The following PHACTR1 variants were observed in gnomAD, a reference collection of about 807,000 sequenced individuals.
PHACTR1 encodes the protein RPEL repeat containing 1.
In PHACTR1, 16 loss-of-function variants were observed where a neutral mutation model predicts 69.2. That is an observed-to-expected ratio of 0.23 (90% confidence interval 0.16 to 0.35). The LOEUF is 0.35. Ranked by LOEUF, PHACTR1 falls within the 10% of genes least tolerant of loss-of-function variation. The pLI is 1.00. For missense variants in PHACTR1, 510 were observed against 734.7 expected, an observed-to-expected ratio of 0.69 and a Z score of 3.54; for synonymous variants, 312 against 284.5, an observed-to-expected ratio of 1.10 and a Z score of -0.97.
At position 12,829,964 on chromosome 6, in the gene PHACTR1, A is replaced by AGAG. The variant is rs1777240400; in HGVS notation, c.250+80174_250+80175insGAG. ...CAGAGCAAGACTCCGTCAAGAAAGAAAGAGAGAGAGAGAGAGAGAGAGAGA... is the reference window on the plus strand; with the variant it reads ...CAGAGCAAGACTCCGTCAAGAAAGAAGAGAGAGAGAGAGAGAGAGAGAGAGAGA... On this transcript the variant is annotated intron_variant, in intron 4 of 14. Transcript: ENST00000332995. Among the ~76,000 whole-genome samples the AGAG allele has an allele frequency of 2.3e-4, 23 of 99,942 alleles. No homozygotes were observed. The South Asian group carries it at 3.0e-3, about 13-fold the overall frequency. 65.6% of individuals were successfully genotyped at this position (99,942 alleles called of 152,430 possible). A position where few individuals can be genotyped will look rare whatever the true frequency, so the allele number is the denominator to read the frequency against.
At chr6:12,902,494 GTCCATTGGATGAACTTCTAGGTTCT>G (rs1415206485) in intron 4 of PHACTR1, among the ~76,000 whole-genome samples, 28 of 152,022 alleles carry the variant, frequency 1.8e-4, no homozygotes, top group African/African-American at 7.2e-5. Flanking sequence ...TTCTAGGTTC[GTCCATTGGATGAACTTCTAGGTTCT>G]TCCATTGGAT....
At position 13,134,925 on chromosome 6, in the gene PHACTR1, C is replaced by T. The variant is rs146292796; in HGVS notation, c.416-25279C>T. On this transcript the variant is annotated intron_variant, in intron 5 of 14. Coordinates refer to ENST00000332995, the MANE Select transcript of PHACTR1 (RefSeq NM_030948.6). ...GTAACCTACCCGAGTACACACAGAG[C>T]CAGAGCGTAAACCCCTTCTCGCTAT... Among the ~76,000 whole-genome samples, 423 of 152,130 alleles carry T rather than the reference C, an allele frequency of 2.8e-3. 2 individuals are homozygous for T. Among genetic ancestry groups the T allele is most frequent in the Middle Eastern group, 0.027 (8 of 294 alleles).
At chr6:12,880,087 C>T (rs1243756801) in intron 4 of PHACTR1, among the ~76,000 whole-genome samples, 1 of 152,166 alleles carries the variant, frequency 6.6e-6, no homozygotes, top group Non-Finnish European at 1.5e-5. Context: ...CTAAACTTCA[C>T]AGCAACCCTT....
At position 13,246,277 on chromosome 6, in the gene PHACTR1, C is replaced by G. The variant is rs1773571273; in HGVS notation, c.1391+16084C>G. On this transcript the variant is annotated intron_variant, in intron 10 of 14. Transcript: ENST00000332995. The surrounding 1 kb of genome is among the most constrained non-coding windows in gnomAD (Gnocchi z 4.2). ...ATCTTTAAAAAACATATTCAGTTAT[C>G]AAAAGGCCCATGTAAAAGGAATCCT... Among the ~76,000 whole-genome samples the G allele has an allele frequency of 6.6e-6, 1 of 152,160 alleles. No homozygotes were observed. The highest frequency in any genetic ancestry group is 1.5e-5 in the Non-Finnish European group (1 of 68,028).
At chr6:13,140,477 C>T (rs969152677) in intron 5 of PHACTR1, among the ~76,000 whole-genome samples, 1 of 152,128 alleles carries the variant, frequency 6.6e-6, no homozygotes, top group African/African-American at 2.4e-5. Context: ...AATTCTGACA[C>T]ATTGTATAGC....
chr6:12,853,980 G>A (rs940850885), intron 4 of PHACTR1, among the ~76,000 whole-genome samples: 1 of 152,036 alleles, frequency 6.6e-6, no homozygotes, highest in Non-Finnish European at 1.5e-5. Flanking sequence ...TTCCTGACTG[G>A]GACAAAAGCA....
chr6:12,755,740 T>C (rs1767234889), intron 4 of PHACTR1, among the ~76,000 whole-genome samples: 1 of 152,208 alleles, frequency 6.6e-6, no homozygotes, highest in Non-Finnish European at 1.5e-5. Flanking sequence ...TAAATACTAA[T>C]TCGGCTCCTA....
intron 4 of PHACTR1, among the ~76,000 whole-genome samples, chr6:12,877,974 T>C (rs1782706098): frequency 6.6e-6 from 1 of 152,174 alleles, no homozygotes. Flanking sequence ...GATCAAATGA[T>C]ACACTCACTT....
intron 5 of PHACTR1, among the ~76,000 whole-genome samples, chr6:13,129,744 G>A (rs1242234932): frequency 2.0e-5 from 3 of 152,038 alleles, no homozygotes; most frequent in Non-Finnish European, 4.4e-5. Context: ...CACTAGACAG[G>A]TCATCACAAC....
intron 4 of PHACTR1, among the ~76,000 whole-genome samples, chr6:12,909,688 A>G (rs753694851): frequency 6.6e-6 from 1 of 152,226 alleles, no homozygotes; most frequent in Non-Finnish European, 1.5e-5. Context: ...TACAGTTGCC[A>G]AGTGGAGTCT....
intron 5 of PHACTR1, among the ~76,000 whole-genome samples, chr6:13,114,901 A>G (rs576403027): frequency 1.3e-5 from 2 of 152,258 alleles, no homozygotes; most frequent in Non-Finnish European, 2.9e-5. Context: ...CACTTACTAT[A>G]TCCCAGACTT....
intron 7 of PHACTR1, chr6:13,196,466 G>A (rs1263214393): frequency 6.4e-6 from 1 of 155,680 alleles, no homozygotes; most frequent in Admixed American, 7.1e-5. Flanking sequence ...TGTTGCCCAC[G>A]GTGGAGCGCA....
chr6:13,013,362 A>G (rs1582960742), intron 4 of PHACTR1, among the ~76,000 whole-genome samples: 1 of 152,154 alleles, frequency 6.6e-6, no homozygotes, highest in South Asian at 2.1e-4. Context: ...TACGGGTTGG[A>G]CCCGCCGGAG....
chr6:12,863,489 C>T (rs1781143706), intron 4 of PHACTR1, among the ~76,000 whole-genome samples: 1 of 152,218 alleles, frequency 6.6e-6, no homozygotes, highest in African/African-American at 2.4e-5. Flanking sequence ...GAGACACAAA[C>T]ATTCAGTCCA....
chr6:13,137,869 T>C (rs1345722055), intron 5 of PHACTR1, among the ~76,000 whole-genome samples: 1 of 152,204 alleles, frequency 6.6e-6, no homozygotes, highest in Non-Finnish European at 1.5e-5. Context: ...GTGCTATATC[T>C]CAAGACATGC....
intron 2 of PHACTR1, among the ~76,000 whole-genome samples, chr6:12,717,976 A>C (rs1434695381): frequency 6.6e-6 from 1 of 152,192 alleles, no homozygotes; most frequent in African/African-American, 2.4e-5. Flanking sequence ...GGCTTGAAAA[A>C]AGAACCCAAC....
intron 4 of PHACTR1, among the ~76,000 whole-genome samples, chr6:12,785,035 A>G (rs900906894): frequency 6.6e-6 from 1 of 151,832 alleles, no homozygotes; most frequent in African/African-American, 2.4e-5. Context: ...ATATATATTT[A>G]TACATATATA....
At chr6:13,242,455 T>C (rs1772992546) in intron 10 of PHACTR1, among the ~76,000 whole-genome samples, 2 of 152,200 alleles carry the variant, frequency 1.3e-5, no homozygotes, top group African/African-American at 4.8e-5. Context: ...GAGACTTGAT[T>C]AAAAGACTTT....
chr6:13,039,213 T>C (rs1803802727), intron 4 of PHACTR1, among the ~76,000 whole-genome samples: 1 of 152,206 alleles, frequency 6.6e-6, no homozygotes, highest in South Asian at 2.1e-4. Context: ...TGGTTTGTTG[T>C]AGGGATCAAA....
Sources: gnomAD v4.1 joint callset for allele counts (sites outside exome capture counted in the v4.1 genomes callset) on GRCh38, gnomAD v4.1.1 for gene constraint, Gnocchi (gnomAD v3.1) non-coding constraint, MANE v1.5 for transcripts, NCBI Gene and HGNC (gene_info 2026-07-23, HGNC 2026-07-21) for gene names.